TEKT1: variants seen among roughly 807,000 people sequenced by gnomAD.
The protein encoded by TEKT1 is tektin 1, also known as tektin-1.
TEKT1 carries 32 observed loss-of-function variants against 34.8 expected under a neutral mutation model. The observed-to-expected ratio is 0.92, with a 90% confidence interval of 0.69 to 1.23. The LOEUF is 1.23. TEKT1 is among the 50% of genes most tolerant of loss of function. TEKT1 has a pLI of 0.00. For synonymous variants in TEKT1, 207 were observed against 199.8 expected (o/e 1.04, Z -0.30); for missense variants, 492 against 518.5 (o/e 0.95, Z 0.50).
At chr17:6,805,356 T>C (rs531936317) in intron 6 of TEKT1, among the ~76,000 whole-genome samples, 5 of 152,312 alleles carry the variant, frequency 3.3e-5, no homozygotes, top group East Asian at 3.9e-4. Context: ...CTTCTCTCTT[T>C]TCTTCTTTAT....
chr17:6,808,309 G>A (rs563416001), intron 6 of TEKT1, among the ~76,000 whole-genome samples: 95 of 152,284 alleles, frequency 6.2e-4, no homozygotes, highest in Admixed American at 3.5e-3. Flanking sequence ...TGCTAAGACC[G>A]TTGGGAAAGC....
intron 2 of TEKT1, among the ~76,000 whole-genome samples, chr17:6,827,180 A>G (rs569720678): frequency 1.3e-5 from 2 of 151,670 alleles, no homozygotes; most frequent in South Asian, 2.1e-4. Flanking sequence ...TGTCTCAATT[A>G]CCATAGCTTT....
At chr17:6,814,133 A>G (rs1367742981) in intron 5 of TEKT1, among the ~76,000 whole-genome samples, 3 of 152,180 alleles carry the variant, frequency 2.0e-5, no homozygotes, top group South Asian at 4.1e-4. Flanking sequence ...CAACCCCAGC[A>G]GCTGGCTTGA....
Position 6,798,394 on chromosome 17 carries a change from A to G in TEKT1, c.*1633T>C, listed in dbSNP as rs1392086487. On this transcript the variant is annotated 3_prime_UTR_variant, in exon 8 of 8. Transcript: ENST00000338694. The stretch of plus-strand genomic sequence containing the variant: ...CCCTGCCAGCCACATCCTCTGGGAC[A>G]GACCTCAAAACCCTGCTAAGTTAGC... The G allele has an allele frequency of 6.6e-6, 1 of 152,294 alleles. No homozygotes were observed. Among genetic ancestry groups the G allele is most frequent in the Admixed American group, 6.5e-5 (1 of 15,288 alleles). 9.4% of individuals were successfully genotyped at this position (152,294 alleles called of 1,614,324 possible). A position where few individuals can be genotyped will look rare whatever the true frequency, so the allele number is the denominator to read the frequency against.
intron 2 of TEKT1, among the ~76,000 whole-genome samples, chr17:6,826,994 C>A (rs1904426403): frequency 3.3e-5 from 5 of 152,054 alleles, no homozygotes; most frequent in Admixed American, 1.3e-4. Context: ...GGCGCCTGGC[C>A]AAGATATCAT....
chr17:6,800,251 A>G lies in TEKT1; in HGVS notation c.1050-17T>C. 8 of 1,608,712 alleles carry G rather than the reference A, an allele frequency of 5.0e-6. No homozygotes were observed. Among genetic ancestry groups the G allele is most frequent in the Non-Finnish European group, 6.8e-6 (8 of 1,177,736 alleles). ...TCCTTCAATCTAGGAGAAAGGGAAG[A>G]AGAGAAGAGAATAATTTCTCTCTAT... On this transcript the variant is annotated splice_polypyrimidine_tract_variant and intron_variant, in intron 7 of 7. Coordinates refer to ENST00000338694, the MANE Select transcript of TEKT1 (RefSeq NM_053285.2).
At chr17:6,829,994 G>C (rs1395582527) in intron 2 of TEKT1, among the ~76,000 whole-genome samples, 193 bp downstream of exon 2, 2 of 152,174 alleles carry the variant, frequency 1.3e-5, no homozygotes, top group Non-Finnish European at 2.9e-5. Flanking sequence ...TGAATGATGG[G>C]TGGCTGAAAA....
At chr17:6,802,459 A>G (rs568785420) in intron 6 of TEKT1, among the ~76,000 whole-genome samples, 1 of 150,774 alleles carries the variant, frequency 6.6e-6, no homozygotes, top group Non-Finnish European at 1.5e-5. Context: ...TTATTTATTT[A>G]TTTTTTTAAG....
In TEKT1 at chr17:6,811,928, C is replaced by A. The variant is rs1976934603; in HGVS notation, c.852+903G>T. Among the ~76,000 whole-genome samples the A allele has an allele frequency of 6.6e-6, 1 of 152,166 alleles. No homozygotes were observed. The highest frequency in any genetic ancestry group is 6.5e-5 in the Admixed American group (1 of 15,282). On this transcript the variant is annotated intron_variant, in intron 6 of 7. Coordinates refer to ENST00000338694, the MANE Select transcript of TEKT1 (RefSeq NM_053285.2). The surrounding 1 kb of genome is among the most constrained non-coding windows in gnomAD (Gnocchi z 4.4). ...GATATCTGTGGTACAAATGCTCCCA[C>A]TTTGTATTTGCAGTACAAATACTAA...
intron 2 of TEKT1, among the ~76,000 whole-genome samples, chr17:6,822,596 C>T (rs1977108491): frequency 6.6e-6 from 1 of 152,114 alleles, no homozygotes; most frequent in African/African-American, 2.4e-5. Context: ...TTTTTCTGCT[C>T]TTATATTCTT....
chr17:6,805,039 T>A (rs972683605), intron 6 of TEKT1, among the ~76,000 whole-genome samples: 1 of 152,244 alleles, frequency 6.6e-6, no homozygotes, highest in African/African-American at 2.4e-5. Context: ...GAAGGAATGA[T>A]ACCAGCTCCT....
rs1976934898 is a variant in TEKT1 at position 6,811,940 on chromosome 17, A to G, written c.852+891T>C. On this transcript the variant is annotated intron_variant, in intron 6 of 7. Coordinates refer to ENST00000338694, the MANE Select transcript of TEKT1 (RefSeq NM_053285.2). The surrounding 1 kb of genome is among the most constrained non-coding windows in gnomAD (Gnocchi z 4.4). ...ACAAATGCTCCCACTTTGTATTTGC[A>G]GTACAAATACTAACCCCCTCTGATA... Among the ~76,000 whole-genome samples, 2 of 152,136 alleles carry G rather than the reference A, an allele frequency of 1.3e-5. No homozygotes were observed. Among genetic ancestry groups the G allele is most frequent in the African/African-American group, 4.8e-5 (2 of 41,436 alleles).
At chr17:6,821,971 C>G (rs1325855050) in intron 2 of TEKT1, among the ~76,000 whole-genome samples, 1 of 139,692 alleles carries the variant, frequency 7.2e-6, no homozygotes, top group Non-Finnish European at 1.5e-5. Context: ...TTCAAGCCAG[C>G]TACAGAAATT....
chr17:6,802,688 T>C (rs939285755), intron 6 of TEKT1, among the ~76,000 whole-genome samples: 7 of 144,344 alleles, frequency 4.8e-5, no homozygotes, highest in African/African-American at 1.8e-4. Flanking sequence ...TGTGTCCATG[T>C]GTTCTCATTG....
At chr17:6,820,482 T>A (rs574164237) in intron 2 of TEKT1, among the ~76,000 whole-genome samples, 2 of 151,440 alleles carry the variant, frequency 1.3e-5, no homozygotes, top group African/African-American at 2.4e-5. Flanking sequence ...GACTCTGTTT[T>A]AAAAAAAAAT....
At chr17:6,817,177 A>G (rs1203692845) in intron 3 of TEKT1, among the ~76,000 whole-genome samples, 4 of 152,030 alleles carry the variant, frequency 2.6e-5, no homozygotes, top group Non-Finnish European at 5.9e-5. Context: ...GGAGTTGGAG[A>G]CCAGCCTGGC....
intron 5 of TEKT1, among the ~76,000 whole-genome samples, chr17:6,814,566 C>T (rs1401690832): frequency 4.6e-5 from 7 of 152,140 alleles, no homozygotes; most frequent in Non-Finnish European, 1.0e-4. Flanking sequence ...AGGCCAGGGG[C>T]GGTGGCTCAC....
rs1904578829 is a variant in TEKT1 at position 6,831,687 on chromosome 17, G to C, written c.-56C>G. 1 of 152,158 alleles carries C rather than the reference G, an allele frequency of 6.6e-6. No individual in the cohort carries two copies. 9.4% of individuals were successfully genotyped at this position (152,158 alleles called of 1,614,324 possible). The stretch of plus-strand genomic sequence containing the variant: ...AGAACCACTACGCAAGCTCGGGATG[G>C]GAGCCTCCTTACCCCAACTGGAGCT... On this transcript the variant is annotated 5_prime_UTR_variant, in exon 1 of 8. Transcript: ENST00000338694.
At chr17:6,820,452 A>G (rs951978323) in intron 2 of TEKT1, among the ~76,000 whole-genome samples, 2 of 152,182 alleles carry the variant, frequency 1.3e-5, no homozygotes, top group South Asian at 2.1e-4. Flanking sequence ...TTGTAGTGTC[A>G]GTTTCCACTT....
Sources: allele counts gnomAD v4.1 joint callset (sites outside exome capture counted in the v4.1 genomes callset), GRCh38; gene constraint gnomAD v4.1.1; non-coding constraint Gnocchi (gnomAD v3.1); transcripts MANE v1.5; gene names NCBI Gene and HGNC (gene_info 2026-07-23, HGNC 2026-07-21).